MAOA: variants seen among roughly 807,000 people sequenced by gnomAD.
The protein encoded by MAOA is amine oxidase [flavin-containing] A.
In MAOA, 6 loss-of-function variants were observed where a neutral mutation model predicts 42.0. The observed-to-expected ratio is 0.14, with a 90% CI of 0.08 to 0.28. MAOA has a LOEUF of 0.28. Among genes scored for constraint, MAOA ranks in the 10% least tolerant of loss-of-function variants. MAOA has a pLI of 1.00. For missense variants in MAOA, 262 were observed against 422.3 expected (o/e 0.62, Z 3.33); for synonymous variants, 140 against 154.0 (o/e 0.91, Z 0.67).
In MAOA at chrX:43,693,519, C is replaced by A. The variant is rs937783690; in HGVS notation, c.306+91C>A. The A allele has an allele frequency of 7.6e-5, 76 of 1,006,563 alleles. No individual in the cohort carries two copies. In the African/African-American group the frequency reaches 1.3e-3, roughly 17 times the overall value. 83.0% of individuals were successfully genotyped at this position (1,006,563 alleles called of 1,213,427 possible). ...GTTTTTAGTTATTTTTCTTTCAAAG[C>A]AATTGTAAAAGTAGGCTCTTGACTT... On this transcript the variant is annotated intron_variant, in intron 3 of 14. Coordinates refer to ENST00000338702, the MANE Select transcript of MAOA (RefSeq NM_000240.4).
chrX:43,656,710 C>CGTTG (rs2033182886), intron 1 of MAOA, among the ~76,000 whole-genome samples: 4 of 111,378 alleles, frequency 3.6e-5, no homozygotes, highest in African/African-American at 6.5e-5. Flanking sequence ...CAGTCCTCAA[C>CGTTG]AGTCCTGTGA....
chrX:43,732,262 G>C (rs953812103), intron 8 of MAOA, among the ~76,000 whole-genome samples: 1 of 111,874 alleles, frequency 8.9e-6, no homozygotes, highest in Non-Finnish European at 1.9e-5. Context: ...ACGGTGTTGT[G>C]AGAATTAAAT....
intron 3 of MAOA, among the ~76,000 whole-genome samples, chrX:43,699,186 A>G (rs2033602898): frequency 8.9e-6 from 1 of 111,756 alleles, no homozygotes; most frequent in Admixed American, 9.5e-5. Flanking sequence ...TCTCTTCTGC[A>G]TGGCATAAAG....
At chrX:43,726,304 T>C (rs990531811) in intron 5 of MAOA, among the ~76,000 whole-genome samples, 1 of 112,366 alleles carries the variant, frequency 8.9e-6, no homozygotes, top group Non-Finnish European at 1.9e-5. Flanking sequence ...CAATTTCAGG[T>C]ATACCAATCA....
Position 43,657,391 on chromosome X carries a change from T to C in MAOA, c.73+977T>C, listed in dbSNP as rs139051557. On this transcript the variant is annotated intron_variant, in intron 1 of 14. Coordinates refer to ENST00000338702, the MANE Select transcript of MAOA (RefSeq NM_000240.4). ...TATGAAGCAGGGGCTGAGTGCCCTG[T>C]TGTATCCTCCTTCCTCCTTTCACTA... 5.8e-3 allele frequency among the ~76,000 whole-genome samples: 620 copies of C among 107,669 alleles called. 5 individuals carry two copies. The highest frequency in any genetic ancestry group is 0.019 in the African/African-American group (559 of 29,527). The allele number at this position is 107,669 out of a possible 115,157, so 93.5% of individuals were successfully genotyped here.
At chrX:43,737,700 C>A (rs998550841) in intron 10 of MAOA, among the ~76,000 whole-genome samples, 4 of 111,924 alleles carry the variant, frequency 3.6e-5, no homozygotes, top group Non-Finnish European at 5.6e-5. Flanking sequence ...TCCGCAGAGA[C>A]CCCACCTCAA....
intron 10 of MAOA, among the ~76,000 whole-genome samples, chrX:43,737,250 G>GCCAC (rs1407494493): frequency 9.0e-6 from 1 of 110,656 alleles, no homozygotes; most frequent in Non-Finnish European, 1.9e-5. Context: ...TGAGATTGTG[G>GCCAC]AATCTCATGG....
intron 1 of MAOA, among the ~76,000 whole-genome samples, chrX:43,670,426 G>A (rs979133681): frequency 9.0e-6 from 1 of 110,818 alleles, no homozygotes; most frequent in African/African-American, 3.3e-5. Context: ...TGCAGTCTCT[G>A]AAGTTTTATG....
intron 3 of MAOA, among the ~76,000 whole-genome samples, chrX:43,710,254 T>C (rs1489805843): frequency 8.9e-6 from 1 of 112,731 alleles, no homozygotes; most frequent in African/African-American, 3.2e-5. Context: ...GTGATGATGA[T>C]AAAGGATTTG....
At chrX:43,693,873 A>G (rs986217755) in intron 3 of MAOA, among the ~76,000 whole-genome samples, 1 of 111,615 alleles carries the variant, frequency 9.0e-6, no homozygotes, top group African/African-American at 3.3e-5. Flanking sequence ...AGCTCCAAGG[A>G]ACACAAGAGT....
At chrX:43,721,432 G>T (rs2033787772) in intron 5 of MAOA, among the ~76,000 whole-genome samples, 1 of 111,465 alleles carries the variant, frequency 9.0e-6, no homozygotes. Context: ...CTCCACTGAA[G>T]ATCGTTGAAA....
Position 43,741,817 on chromosome X carries a change from C to T in MAOA, c.1165-133C>T, listed in dbSNP as rs1350487160. On this transcript the variant is annotated intron_variant, in intron 11 of 14. Transcript: ENST00000338702. Reference sequence around the variant, plus strand: ...ATTGCTTGGTACTATCATGTTTCCCCTTAAGTGAGTTAGAAAAACAGGATT... The same window carrying T: ...ATTGCTTGGTACTATCATGTTTCCCTTTAAGTGAGTTAGAAAAACAGGATT... 3 of 1,106,593 alleles carry T rather than the reference C, an allele frequency of 2.7e-6. No homozygotes were observed. The African/African-American group carries it at 5.5e-5, about 20-fold the overall frequency. 91.2% of individuals were successfully genotyped at this position (1,106,593 alleles called of 1,213,427 possible).
Position 43,743,951 on chromosome X carries a change from G to A in MAOA, c.1374+46G>A, listed in dbSNP as rs374633052. ...TCTCTCCCTCCCGAGTCACGGCAACGTTTTTGGCATCTGGTCTTGCTAGTT... is the reference window on the plus strand; with the variant it reads ...TCTCTCCCTCCCGAGTCACGGCAACATTTTTGGCATCTGGTCTTGCTAGTT... On this transcript the variant is annotated intron_variant, in intron 13 of 14. Coordinates refer to ENST00000338702, the MANE Select transcript of MAOA (RefSeq NM_000240.4). 23 of 1,168,339 alleles carry A rather than the reference G, an allele frequency of 2.0e-5. No homozygotes were observed. The Admixed American group carries it at 3.1e-4, about 16-fold the overall frequency.
chrX:43,692,039 GCACGCACA>G (rs2033539785), intron 2 of MAOA, among the ~76,000 whole-genome samples: 1 of 10,976 alleles, frequency 9.1e-5, no homozygotes, highest in African/African-American at 2.3e-4. Context: ...ACACACACAC[GCACGCACA>G]CATCTTTAAA....
At chrX:43,687,070 A>G (rs2033493605) in intron 2 of MAOA, among the ~76,000 whole-genome samples, 1 of 111,349 alleles carries the variant, frequency 9.0e-6, no homozygotes, top group South Asian at 3.8e-4. Flanking sequence ...TCAAATTAAT[A>G]AAGTTGAAAT....
intron 1 of MAOA, among the ~76,000 whole-genome samples, chrX:43,678,412 T>C (rs1018757145): frequency 1.8e-5 from 2 of 112,557 alleles, no homozygotes; most frequent in Admixed American, 9.4e-5. Context: ...CTTTGCATAA[T>C]AAAATGTGAA....
intron 5 of MAOA, among the ~76,000 whole-genome samples, chrX:43,725,979 A>G (rs924609271): frequency 3.6e-4 from 40 of 111,714 alleles, no homozygotes; most frequent in Non-Finnish European, 7.3e-4. Context: ...TCTTTTCTTT[A>G]AGAATGTTGA....
chrX:43,709,938 T>C (rs2033687663), intron 3 of MAOA, among the ~76,000 whole-genome samples: 1 of 112,067 alleles, frequency 8.9e-6, no homozygotes, highest in Non-Finnish European at 1.9e-5. Flanking sequence ...TCTCTTTCTT[T>C]TGGGAAAGAA....
At chrX:43,670,458 T>A (rs1001618345) in intron 1 of MAOA, among the ~76,000 whole-genome samples, 24 of 110,634 alleles carry the variant, frequency 2.2e-4, no homozygotes, top group Non-Finnish European at 4.0e-4. Context: ...TATTTTATTA[T>A]TATTATACTT....
Sources: allele counts gnomAD v4.1 joint callset (sites outside exome capture counted in the v4.1 genomes callset), GRCh38; gene constraint gnomAD v4.1.1; transcripts MANE v1.5; gene names NCBI Gene and HGNC (gene_info 2026-07-23, HGNC 2026-07-21).